PGCKA1: variants seen among roughly 807,000 people sequenced by gnomAD.
PGCKA1 encodes the protein PDCD10 and GCKIII kinases associated 1.
chr4:37,475,950 A>AAATACATTATTTAAAATAATTATTTTAT, the PGCKA1 span, among the ~76,000 whole-genome samples: 1 of 150,640 alleles, frequency 6.6e-6, no homozygotes, highest in Non-Finnish European at 1.5e-5. Context: ...TTTTATTTTA[A>AAATACATTATTTAAAATAATTATTTTAT]AATACATTAT....
chr4:37,524,123 C>G, the PGCKA1 span, among the ~76,000 whole-genome samples: 1 of 152,170 alleles, frequency 6.6e-6, no homozygotes, highest in African/African-American at 2.4e-5. Context: ...CTTTTAAACA[C>G]TTTGTATTAT....
the PGCKA1 span, among the ~76,000 whole-genome samples, chr4:37,478,145 C>A: frequency 6.7e-5 from 7 of 103,706 alleles, 1 homozygote; most frequent in Non-Finnish European, 1.1e-4. Flanking sequence ...TAAAAACACC[C>A]CCCCCCACCG....
chr4:37,531,320 C>T, the PGCKA1 span, among the ~76,000 whole-genome samples: 1 of 152,112 alleles, frequency 6.6e-6, no homozygotes, highest in Non-Finnish European at 1.5e-5. Context: ...TGTTAGTACT[C>T]GCTGGAAACT....
chr4:37,587,043 C>T, the PGCKA1 span, among the ~76,000 whole-genome samples: 2 of 152,186 alleles, frequency 1.3e-5, no homozygotes, highest in Admixed American at 6.5e-5. Context: ...ACCGGGGCCA[C>T]ACTCTTTCCA....
the PGCKA1 span, among the ~76,000 whole-genome samples, chr4:37,547,568 G>A: frequency 1.3e-5 from 2 of 152,160 alleles, no homozygotes; most frequent in East Asian, 3.9e-4. Context: ...CAGCATTAGA[G>A]GTAGGTTGGC....
At chr4:37,539,856 G>GA in the PGCKA1 span, among the ~76,000 whole-genome samples, 6 of 152,006 alleles carry the variant, frequency 3.9e-5, no homozygotes, top group East Asian at 7.7e-4. Flanking sequence ...GATGCTAAGT[G>GA]AAAAAAATGG....
chr4:37,465,551 C>T, the PGCKA1 span, among the ~76,000 whole-genome samples: 42,436 of 151,858 alleles, frequency 0.28, 6,339 homozygotes, highest in Middle Eastern at 0.34. Flanking sequence ...GTCTTGAGCA[C>T]GAGGAGTACC....
At chr4:37,518,491 G>A in the PGCKA1 span, among the ~76,000 whole-genome samples, 1 of 152,150 alleles carries the variant, frequency 6.6e-6, no homozygotes, top group Admixed American at 6.5e-5. Flanking sequence ...GTATCTCATT[G>A]TAATTTTGAT....
the PGCKA1 span, among the ~76,000 whole-genome samples, chr4:37,569,819 C>A: frequency 6.6e-6 from 1 of 152,082 alleles, no homozygotes; most frequent in African/African-American, 2.4e-5. Context: ...ACCAGGGAGC[C>A]TTTTCCAGGG....
At chr4:37,527,664 C>CA in the PGCKA1 span, among the ~76,000 whole-genome samples, 8,154 of 133,630 alleles carry the variant, frequency 0.061, 291 homozygotes, top group Non-Finnish European at 0.088. Flanking sequence ...CTAAAAAATA[C>CA]AAAAAAAAAA....
At chr4:37,496,396 A>G in the PGCKA1 span, among the ~76,000 whole-genome samples, 4 of 152,176 alleles carry the variant, frequency 2.6e-5, no homozygotes, top group African/African-American at 9.7e-5. Flanking sequence ...CAGCTTTATC[A>G]AAGATCATAT....
At chr4:37,549,344 GA>G in the PGCKA1 span, among the ~76,000 whole-genome samples, 22 of 149,568 alleles carry the variant, frequency 1.5e-4, no homozygotes, top group South Asian at 4.2e-4. Flanking sequence ...TCAACCAGAA[GA>G]AAAAAAAAAT....
the PGCKA1 span, among the ~76,000 whole-genome samples, chr4:37,558,632 G>T: frequency 6.6e-6 from 1 of 150,972 alleles, no homozygotes; most frequent in Non-Finnish European, 1.5e-5. Context: ...CACAGCAAAA[G>T]AAACTACCAT....
the PGCKA1 span, among the ~76,000 whole-genome samples, chr4:37,561,434 A>T: frequency 6.6e-6 from 1 of 152,364 alleles, no homozygotes; most frequent in East Asian, 1.9e-4. Flanking sequence ...AACAGGGTTT[A>T]AAACTGGCTG....
the PGCKA1 span, among the ~76,000 whole-genome samples, chr4:37,539,530 T>G: frequency 6.6e-6 from 1 of 152,136 alleles, no homozygotes; most frequent in Non-Finnish European, 1.5e-5. Context: ...GGCGCACACC[T>G]GTAATCCCAG....
At chr4:37,568,855 C>G in the PGCKA1 span, among the ~76,000 whole-genome samples, 64 of 152,284 alleles carry the variant, frequency 4.2e-4, no homozygotes, top group Non-Finnish European at 7.8e-4. Context: ...TTCACAAACT[C>G]GTTTTGCAGA....
the PGCKA1 span, among the ~76,000 whole-genome samples, chr4:37,551,314 T>A: frequency 6.6e-6 from 1 of 152,102 alleles, no homozygotes; most frequent in Non-Finnish European, 1.5e-5. Context: ...CCATAGGTAA[T>A]TAAAAAGATG....
the PGCKA1 span, among the ~76,000 whole-genome samples, chr4:37,524,455 T>G: frequency 1.3e-5 from 2 of 152,198 alleles, no homozygotes; most frequent in African/African-American, 4.8e-5. Context: ...GGGCTCCTCA[T>G]GCATCTCCAC....
the PGCKA1 span, among the ~76,000 whole-genome samples, chr4:37,534,195 C>A: frequency 6.6e-6 from 1 of 152,300 alleles, no homozygotes; most frequent in South Asian, 2.1e-4. Context: ...AGGTCATTGG[C>A]ATTGATCAGA....
Sources: allele counts gnomAD v4.1 joint callset (sites outside exome capture counted in the v4.1 genomes callset), GRCh38; gene constraint gnomAD v4.1.1; transcripts MANE v1.5; gene names NCBI Gene and HGNC (gene_info 2026-07-23, HGNC 2026-07-21).